PACRG: variants seen among roughly 807,000 people sequenced by gnomAD.
PACRG encodes the protein parkin coregulated.
PACRG carries 29 observed loss-of-function variants against 29.7 expected under a neutral mutation model. That is an observed-to-expected ratio of 0.98 (90% CI 0.73 to 1.33). The LOEUF (loss-of-function observed/expected upper bound fraction) is 1.33. PACRG is among the 40% of genes most tolerant of loss of function. The probability of loss-of-function intolerance (pLI) is 0.00; values close to 1 mark genes in which losing one functional copy is unlikely to be tolerated. For missense variants in PACRG, 279 were observed against 316.2 expected (o/e 0.88, Z 0.89); for synonymous variants, 116 against 118.7 (o/e 0.98, Z 0.15).
intron 2 of PACRG, among the ~76,000 whole-genome samples, chr6:162,943,875 G>A (rs754507128): frequency 1.3e-5 from 2 of 152,012 alleles, no homozygotes; most frequent in Non-Finnish European, 2.9e-5. Flanking sequence ...ACCCCAGCAT[G>A]GACCACTTGG....
At chr6:162,791,880 C>T (rs985150552) in intron 1 of PACRG, among the ~76,000 whole-genome samples, 1 of 152,124 alleles carries the variant, frequency 6.6e-6, no homozygotes, top group African/African-American at 2.4e-5. Flanking sequence ...AGCAAGCGTA[C>T]ATCCTCTCCT....
chr6:162,891,185 C>T (rs1794728639), intron 2 of PACRG, among the ~76,000 whole-genome samples: 1 of 152,224 alleles, frequency 6.6e-6, no homozygotes, highest in Non-Finnish European at 1.5e-5. Context: ...ACCCCAGCAG[C>T]ACTGCACTTT....
intron 2 of PACRG, among the ~76,000 whole-genome samples, chr6:163,031,368 G>A (rs1807646317): frequency 6.6e-6 from 1 of 152,172 alleles, no homozygotes; most frequent in African/African-American, 2.4e-5. Flanking sequence ...CACTGATTTA[G>A]ATTTTTACAT....
At chr6:163,011,013 G>C (rs1028353793) in intron 2 of PACRG, among the ~76,000 whole-genome samples, 2 of 152,082 alleles carry the variant, frequency 1.3e-5, no homozygotes, top group Non-Finnish European at 2.9e-5. Flanking sequence ...GCACATAGGT[G>C]CTCTCAGGTG....
At chr6:163,193,966 C>G (rs1382504033) in intron 4 of PACRG, among the ~76,000 whole-genome samples, 2 of 149,638 alleles carry the variant, frequency 1.3e-5, no homozygotes, top group African/African-American at 4.9e-5. Context: ...GATCTCGGCT[C>G]AGTGCAACCT....
intron 1 of PACRG, among the ~76,000 whole-genome samples, chr6:162,791,137 G>C (rs562050788): frequency 7.2e-5 from 11 of 152,258 alleles, no homozygotes; most frequent in African/African-American, 2.6e-4. Context: ...CACAACTCAA[G>C]GTATGTCTTA....
chr6:163,290,852 G>A (rs1006926716), intron 4 of PACRG, among the ~76,000 whole-genome samples: 8 of 152,202 alleles, frequency 5.3e-5, no homozygotes, highest in African/African-American at 1.2e-4. Context: ...TCAGCGTGAG[G>A]TCCGGGTCAG....
At chr6:162,947,394 A>ATAATATATAATCATATATATAATCATATG in intron 2 of PACRG, among the ~76,000 whole-genome samples, 1 of 47,024 alleles carries the variant, frequency 2.1e-5, no homozygotes, top group African/African-American at 5.5e-5. Flanking sequence ...ATAATCATAT[A>ATAATATATAATCATATATATAATCATATG]TAATATATAA....
intron 2 of PACRG, among the ~76,000 whole-genome samples, chr6:163,010,571 T>G (rs1805518510): frequency 6.6e-6 from 1 of 152,204 alleles, no homozygotes. Context: ...TATCCTACCT[T>G]TATTTCATCA....
intron 4 of PACRG, among the ~76,000 whole-genome samples, chr6:163,259,823 G>C (rs1783253547): frequency 6.6e-6 from 1 of 152,152 alleles, no homozygotes; most frequent in Non-Finnish European, 1.5e-5. Context: ...TTGATCGCTA[G>C]GACTATAGGA....
intron 2 of PACRG, among the ~76,000 whole-genome samples, chr6:162,990,816 G>A (rs1346454736): frequency 1.5e-5 from 2 of 136,586 alleles, no homozygotes; most frequent in Non-Finnish European, 3.0e-5. Flanking sequence ...CCTTGCCCAT[G>A]CCTATGTCCT....
intron 2 of PACRG, among the ~76,000 whole-genome samples, chr6:162,956,569 C>T (rs779497934): frequency 3.9e-5 from 6 of 152,178 alleles, no homozygotes; most frequent in Non-Finnish European, 8.8e-5. Context: ...GTTGGCAGGG[C>T]CGTGCTCCCT....
chr6:162,776,766 C>CT (rs1456693736), intron 1 of PACRG, among the ~76,000 whole-genome samples: 1 of 152,228 alleles, frequency 6.6e-6, no homozygotes, highest in Non-Finnish European at 1.5e-5. Flanking sequence ...AAAGGCCAGA[C>CT]ACTGTTTTTC....
At chr6:163,003,491 AT>A (rs1440140526) in intron 2 of PACRG, among the ~76,000 whole-genome samples, 2 of 152,262 alleles carry the variant, frequency 1.3e-5, no homozygotes, top group Non-Finnish European at 2.9e-5. Context: ...CTGGGAAAGT[AT>A]AGACAGCAGG....
At chr6:162,790,204 A>G (rs1353210051) in intron 1 of PACRG, among the ~76,000 whole-genome samples, 1 of 152,228 alleles carries the variant, frequency 6.6e-6, no homozygotes, top group Non-Finnish European at 1.5e-5. Context: ...GTTGGCATGA[A>G]TGCAGCGTGG....
intron 2 of PACRG, among the ~76,000 whole-genome samples, chr6:162,926,475 A>G (rs1797449223): frequency 1.3e-5 from 2 of 152,146 alleles, no homozygotes; most frequent in African/African-American, 2.4e-5. Flanking sequence ...CTGAAACAGA[A>G]TAGAGATCTC....
At chr6:163,254,918 G>C (rs1197377015) in intron 4 of PACRG, among the ~76,000 whole-genome samples, 1 of 152,216 alleles carries the variant, frequency 6.6e-6, no homozygotes, top group Non-Finnish European at 1.5e-5. Context: ...TGCCTCCTCA[G>C]TATCTTAACA....
At chr6:163,140,902 C>A (rs2128334343) in intron 4 of PACRG, among the ~76,000 whole-genome samples, 1 of 151,644 alleles carries the variant, frequency 6.6e-6, no homozygotes, top group South Asian at 2.1e-4. Context: ...AAGAAGCTGC[C>A]CAGGGAGGAT....
chr6:162,768,702 T>C (rs1584292711), intron 1 of PACRG, among the ~76,000 whole-genome samples: 1 of 152,018 alleles, frequency 6.6e-6, no homozygotes, highest in Admixed American at 6.6e-5. Context: ...TTATGGACTT[T>C]TTCACTGAAT....
Sources: gnomAD v4.1 joint callset for allele counts (sites outside exome capture counted in the v4.1 genomes callset) on GRCh38, gnomAD v4.1.1 for gene constraint, MANE v1.5 for transcripts, NCBI Gene and HGNC (gene_info 2026-07-23, HGNC 2026-07-21) for gene names.